SCD: variants seen among roughly 807,000 people sequenced by gnomAD.
The protein encoded by SCD is acyl-CoA desaturase.
In SCD, 4 loss-of-function variants were observed where a neutral mutation model predicts 35.7. The ratio of observed to expected loss-of-function variants is 0.11; its 90% CI spans 0.06 to 0.26. SCD has a LOEUF of 0.26. SCD is among the 10% of genes least tolerant of loss of function. The pLI is 1.00. For synonymous variants in SCD, 150 were observed against 170.2 expected (o/e 0.88, Z 0.92); for missense variants, 282 against 460.7 (o/e 0.61, Z 3.55).
Position 100,347,360 on chromosome 10 carries a change from G to T in SCD, c.-145G>T, listed in dbSNP as rs966814946. 2.5e-5 allele frequency: 22 copies of T among 893,980 alleles called. No homozygotes were observed. Among genetic ancestry groups the T allele is most frequent in the African/African-American group, 2.5e-4 (15 of 61,068 alleles). The allele number at this position is 893,980 out of a possible 1,614,324, so 55.4% of individuals were successfully genotyped here. ...GGCTCGGGGACCTCCACGCACCGCGGCTAGCGCCGACAACCAGCTAGCGTG... is the reference window on the plus strand; with the variant it reads ...GGCTCGGGGACCTCCACGCACCGCGTCTAGCGCCGACAACCAGCTAGCGTG... On this transcript the variant is annotated 5_prime_UTR_variant, in exon 1 of 6. Coordinates refer to ENST00000370355, the MANE Select transcript of SCD (RefSeq NM_005063.5).
At chr10:100,351,237 T>C (rs1589698236) in intron 2 of SCD, among the ~76,000 whole-genome samples, 1 of 152,214 alleles carries the variant, frequency 6.6e-6, no homozygotes, top group East Asian at 1.9e-4. Flanking sequence ...AGTTAGAGAT[T>C]ATATCTGGCA....
intron 4 of SCD, among the ~76,000 whole-genome samples, chr10:100,355,196 G>A (rs1400946058): frequency 6.6e-6 from 1 of 152,212 alleles, no homozygotes; most frequent in Non-Finnish European, 1.5e-5. Flanking sequence ...GGAGAGATAA[G>A]CCAAGTATCC....
intron 5 of SCD, 117 bp from the exon 6 acceptor site, chr10:100,360,617 C>A: frequency 5.2e-6 from 4 of 762,180 alleles, no homozygotes; most frequent in South Asian, 1.6e-5. Flanking sequence ...CTGAATTCAT[C>A]CATTCAACAA....
At position 100,352,549 on chromosome 10, in the gene SCD, G is replaced by T. The variant is rs1849883343; in HGVS notation, c.441+53G>T. 7.0e-6 allele frequency: 11 copies of T among 1,567,578 alleles called. No homozygotes were observed. The highest frequency in any genetic ancestry group is 9.6e-6 in the Non-Finnish European group (11 of 1,146,822). ...TGTCCTCCACACTATTAATGATCCGGGGACAGAAAGGAGGGATCAGCACCA... is the reference window on the plus strand; with the variant it reads ...TGTCCTCCACACTATTAATGATCCGTGGACAGAAAGGAGGGATCAGCACCA... On this transcript the variant is annotated intron_variant, in intron 3 of 5. Coordinates refer to ENST00000370355, the MANE Select transcript of SCD (RefSeq NM_005063.5). The surrounding 1 kb of genome is among the most constrained non-coding windows in gnomAD (Gnocchi z 4.2).
At chr10:100,347,650 G>A (rs1180874903) in intron 1 of SCD, 119 bp downstream of exon 1, 1 of 1,103,720 alleles carries the variant, frequency 9.1e-7, no homozygotes, top group Non-Finnish European at 1.3e-6. Flanking sequence ...CATCTTTTTC[G>A]AGTTGTGCTG....
At chr10:100,350,945 TC>T (rs1201627166) in intron 2 of SCD, among the ~76,000 whole-genome samples, 1 of 151,956 alleles carries the variant, frequency 6.6e-6, no homozygotes, top group Non-Finnish European at 1.5e-5. Context: ...CTCCTGGAGA[TC>T]TTATAGGAGG....
chr10:100,357,299 G>A (rs1268864281), intron 5 of SCD, among the ~76,000 whole-genome samples: 1 of 152,250 alleles, frequency 6.6e-6, no homozygotes, highest in Non-Finnish European at 1.5e-5. Flanking sequence ...GATCATCTGA[G>A]TGGCCAGTAA....
intron 4 of SCD, 99 bp downstream of exon 4, chr10:100,354,731 A>G: frequency 1.0e-6 from 1 of 953,476 alleles, no homozygotes; most frequent in South Asian, 1.5e-5. Context: ...AAGCTGAGAA[A>G]TTTGCTGGGT....
chr10:100,350,495 C>T (rs529271), intron 2 of SCD, among the ~76,000 whole-genome samples: 4,615 of 152,190 alleles, frequency 0.03, 153 homozygotes, highest in East Asian at 0.12. Context: ...CAAAACCATT[C>T]AAGTCTCTTT....
rs919764986 is a variant in SCD at position 100,352,752 on chromosome 10, T to G, written c.441+256T>G. Among the ~76,000 whole-genome samples the G allele has an allele frequency of 5.3e-5, 8 of 152,246 alleles. No homozygotes were observed. The highest frequency in any genetic ancestry group is 1.0e-4 in the Non-Finnish European group (7 of 68,046). The stretch of plus-strand genomic sequence containing the variant: ...GGAATATTTTTGATCCTAAGGTCCC[T>G]GTGTTGTCACACAATCTGGCCGTTG... On this transcript the variant is annotated intron_variant, in intron 3 of 5. Coordinates refer to ENST00000370355, the MANE Select transcript of SCD (RefSeq NM_005063.5). This position sits in a 1 kb window ranked among gnomAD's most constrained non-coding sequence, Gnocchi z 4.2.
At chr10:100,351,452 G>A (rs1456254330) in intron 2 of SCD, among the ~76,000 whole-genome samples, 4 of 152,266 alleles carry the variant, frequency 2.6e-5, no homozygotes, top group Admixed American at 2.0e-4. Flanking sequence ...TGAAATCTTT[G>A]GTAAAGCTTA....
intron 4 of SCD, among the ~76,000 whole-genome samples, chr10:100,354,850 A>C (rs1273455919): frequency 6.6e-6 from 1 of 152,202 alleles, no homozygotes; most frequent in Non-Finnish European, 1.5e-5. Context: ...AATTAAACCC[A>C]TTACATTCAA....
chr10:100,348,434 C>T lies in SCD; in HGVS notation c.310+88C>T, dbSNP rs531734958. 2.4e-4 allele frequency: 316 copies of T among 1,303,266 alleles called. 1 individual carries two copies. The South Asian group carries it at 4.2e-3, about 17-fold the overall frequency. 80.7% of individuals were successfully genotyped at this position (1,303,266 alleles called of 1,614,324 possible). On this transcript the variant is annotated intron_variant, in intron 2 of 5. Transcript: ENST00000370355. Reference sequence around the variant, plus strand: ...TAGGATCTTACAGAGGACACCAGCCCCTCCCAGCCTCCCGGTTGGGGTTTT... The same window carrying T: ...TAGGATCTTACAGAGGACACCAGCCTCTCCCAGCCTCCCGGTTGGGGTTTT...
intron 2 of SCD, among the ~76,000 whole-genome samples, chr10:100,349,132 T>C (rs944634670): frequency 6.6e-6 from 1 of 152,214 alleles, no homozygotes; most frequent in East Asian, 1.9e-4. Flanking sequence ...CCATCCCTCC[T>C]TGCCAGGGAC....
rs200442749 is a variant in SCD at position 100,354,581 on chromosome 10, C to T, written c.596C>T (p.Thr199Met). ...CCAGCTGTCAAAGAGAAGGGGAGTACGCTAGACTTGTCTGACCTAGAAGCT... is the reference window on the plus strand; with the variant it reads ...CCAGCTGTCAAAGAGAAGGGGAGTATGCTAGACTTGTCTGACCTAGAAGCT... The part of the protein sequence containing the change: ...KHPAVKEKGS[T>M]LDLSDLEAEK... The change falls in exon 4 of 6, where the codon ACG (threonine) becomes ATG (methionine). Residue 199 changes from threonine to methionine, a missense_variant. Coordinates refer to ENST00000370355, the MANE Select transcript of SCD (RefSeq NM_005063.5). 6.4e-5 allele frequency: 104 copies of T among 1,614,040 alleles called. No individual in the cohort carries two copies. Among genetic ancestry groups the T allele is most frequent in the Non-Finnish European group, 8.1e-5 (95 of 1,180,020 alleles).
Position 100,361,254 on chromosome 10 carries a change from A to C in SCD, c.*321A>C, listed in dbSNP as rs200271916. On this transcript the variant is annotated 3_prime_UTR_variant, in exon 6 of 6. Coordinates refer to ENST00000370355, the MANE Select transcript of SCD (RefSeq NM_005063.5). ...AGTCTTTGCTCAGTGTCCAGCTTCC[A>C]AAGCCTAGACAACCTTTCTGTAGCC... The C allele has an allele frequency of 3.1e-6, 1 of 325,992 alleles. No individual in the cohort carries two copies. The allele number at this position is 325,992 out of a possible 1,614,324, so 20.2% of individuals were successfully genotyped here. A position where few individuals can be genotyped will look rare whatever the true frequency, so the allele number is the denominator to read the frequency against.
In SCD at chr10:100,347,500, C is replaced by T. The variant is rs1849810511; in HGVS notation, c.-5C>T. ...GGAAAGTGATCCCGGCATCCGAGAGCCAAGATGCCGGCCCACTTGCTGCAG... is the reference window on the plus strand; with the variant it reads ...GGAAAGTGATCCCGGCATCCGAGAGTCAAGATGCCGGCCCACTTGCTGCAG... On this transcript the variant is annotated 5_prime_UTR_variant, in exon 1 of 6. Transcript: ENST00000370355. 1 of 1,613,962 alleles carries T rather than the reference C, an allele frequency of 6.2e-7. No homozygotes were observed. The highest frequency in any genetic ancestry group is 8.5e-7 in the Non-Finnish European group (1 of 1,179,984).
At position 100,347,360 on chromosome 10, in the gene SCD, G is replaced by A; in HGVS notation, c.-145G>A. The stretch of plus-strand genomic sequence containing the variant: ...GGCTCGGGGACCTCCACGCACCGCG[G>A]CTAGCGCCGACAACCAGCTAGCGTG... On this transcript the variant is annotated 5_prime_UTR_variant, in exon 1 of 6. Transcript: ENST00000370355. 1 of 894,098 alleles carries A rather than the reference G, an allele frequency of 1.1e-6. No homozygotes were observed. Among genetic ancestry groups the A allele is most frequent in the South Asian group, 1.4e-5 (1 of 70,818 alleles). The allele number at this position is 894,098 out of a possible 1,614,324, so 55.4% of individuals were successfully genotyped here.
At chr10:100,353,270 G>A (rs982570945) in intron 3 of SCD, among the ~76,000 whole-genome samples, 3 of 152,154 alleles carry the variant, frequency 2.0e-5, no homozygotes, top group African/African-American at 7.2e-5. Context: ...TGGTGGCTAA[G>A]TAAAACATTG....
Sources: allele counts gnomAD v4.1 joint callset (sites outside exome capture counted in the v4.1 genomes callset), GRCh38; gene constraint gnomAD v4.1.1; non-coding constraint Gnocchi (gnomAD v3.1); transcripts MANE v1.5; gene names NCBI Gene and HGNC (gene_info 2026-07-23, HGNC 2026-07-21).